The following ASTN2 variants were observed in gnomAD, a reference collection of about 807,000 sequenced individuals.
ASTN2 encodes the protein astrotactin 2.
A neutral mutation model predicts 139.8 loss-of-function variants in ASTN2; 54 were observed. The ratio of observed to expected loss-of-function variants is 0.39; its 90% CI spans 0.31 to 0.48. The LOEUF (loss-of-function observed/expected upper bound fraction) is 0.48, where lower values mean the gene tolerates loss of function less well. Among genes scored for constraint, ASTN2 ranks in the 20% least tolerant of loss-of-function variants. ASTN2 has a pLI of 0.95. For synonymous variants in ASTN2, 756 were observed against 719.5 expected (o/e 1.05, Z -0.81); for missense variants, 1,565 against 1,725.1 (o/e 0.91, Z 1.64).
intron 2 of ASTN2, among the ~76,000 whole-genome samples, chr9:117,290,295 C>T (rs1329803466): frequency 6.6e-6 from 1 of 152,206 alleles, no homozygotes; most frequent in Non-Finnish European, 1.5e-5. Flanking sequence ...TCTTCCTGAG[C>T]CCATTAGACT....
Position 117,016,619 on chromosome 9 carries a change from T to TATGTTA in ASTN2, c.1424-8361_1424-8360insTAACAT, listed in dbSNP as rs1564385801. Among the ~76,000 whole-genome samples, 19 of 3,244 alleles carry TATGTTA rather than the reference T, an allele frequency of 5.9e-3. 3 individuals carry two copies. Among genetic ancestry groups the TATGTTA allele is most frequent in the East Asian group, 0.044 (3 of 68 alleles). The allele number at this position is 3,244 out of a possible 152,430, so 2.1% of individuals were successfully genotyped here. The stretch of plus-strand genomic sequence containing the variant: ...ATATATATATCTATATCTATATCTA[T>TATGTTA]CTATCTATATATATATATATATATA... On this transcript the variant is annotated intron_variant, in intron 6 of 22. Coordinates refer to ENST00000313400, the MANE Select transcript of ASTN2 (RefSeq NM_001365068.1).
chr9:117,036,559 T>C (rs759593361), intron 6 of ASTN2, among the ~76,000 whole-genome samples: 23 of 152,222 alleles, frequency 1.5e-4, no homozygotes, highest in African/African-American at 5.1e-4. Flanking sequence ...ATCTCCTCTA[T>C]ATGGCTTATA....
At chr9:117,296,055 G>A (rs141615431) in intron 1 of ASTN2, among the ~76,000 whole-genome samples, 4,240 of 151,910 alleles carry the variant, frequency 0.028, 79 homozygotes, top group African/African-American at 0.051. Context: ...CTAGGTGGGC[G>A]GATCACGAGG....
intron 7 of ASTN2, among the ~76,000 whole-genome samples, chr9:116,990,271 T>C (rs1315625028): frequency 2.0e-5 from 3 of 152,196 alleles, no homozygotes; most frequent in African/African-American, 7.2e-5. Flanking sequence ...TTCTTTTGTT[T>C]GTTTGTTTGC....
chr9:117,276,803 C>G (rs1399185611), intron 2 of ASTN2, among the ~76,000 whole-genome samples: 1 of 152,176 alleles, frequency 6.6e-6, no homozygotes, highest in Non-Finnish European at 1.5e-5. Context: ...CCAGCTCAGT[C>G]TCTCCCTAGC....
intron 19 of ASTN2, among the ~76,000 whole-genome samples, chr9:116,513,058 T>G (rs1355805181): frequency 3.3e-5 from 5 of 152,324 alleles, no homozygotes; most frequent in East Asian, 1.9e-4. Context: ...GTTAGCTGGT[T>G]ATTTTGCTTG....
intron 3 of ASTN2, among the ~76,000 whole-genome samples, chr9:117,147,085 C>A (rs987529565): frequency 1.3e-5 from 2 of 151,772 alleles, no homozygotes; most frequent in African/African-American, 4.8e-5. Flanking sequence ...GGGGGTGGAC[C>A]CTGAGTCATT....
At chr9:116,475,420 C>T (rs1848946459) in intron 20 of ASTN2, among the ~76,000 whole-genome samples, 1 of 146,166 alleles carries the variant, frequency 6.8e-6, no homozygotes, top group Non-Finnish European at 1.5e-5. Context: ...GAGCATGGGG[C>T]TCTCACTGCC....
intron 19 of ASTN2, among the ~76,000 whole-genome samples, chr9:116,552,574 T>C (rs1424756819): frequency 6.6e-6 from 1 of 152,144 alleles, no homozygotes; most frequent in East Asian, 1.9e-4. Flanking sequence ...TCCACACACA[T>C]TATTTTGAAA....
intron 10 of ASTN2, among the ~76,000 whole-genome samples, chr9:116,960,138 A>C (rs1449404228): frequency 6.6e-6 from 1 of 151,922 alleles, no homozygotes; most frequent in Non-Finnish European, 1.5e-5. Flanking sequence ...GTGTTGTCAG[A>C]CCTTGCCTGA....
chr9:116,456,118 C>G lies in ASTN2; in HGVS notation c.3498-13565G>C, dbSNP rs187718309. Among the ~76,000 whole-genome samples, 23 of 151,624 alleles carry G rather than the reference C, an allele frequency of 1.5e-4. No homozygotes were observed. In the East Asian group the frequency reaches 4.5e-3, roughly 29 times the overall value. On this transcript the variant is annotated intron_variant, in intron 20 of 22. Coordinates refer to ENST00000313400, the MANE Select transcript of ASTN2 (RefSeq NM_001365068.1). ...GATATGATCTTATATTTGAAGACAC[C>G]TAAGATTCCACCAAGAAAAAAACTA... is the stretch of plus-strand genomic sequence containing the variant.
intron 10 of ASTN2, among the ~76,000 whole-genome samples, chr9:116,944,913 C>G (rs1352394640): frequency 6.6e-6 from 1 of 152,042 alleles, no homozygotes; most frequent in Non-Finnish European, 1.5e-5. Flanking sequence ...CCAAAACTGG[C>G]TTAGACCATA....
chr9:117,192,907 T>C (rs992056329), intron 3 of ASTN2, among the ~76,000 whole-genome samples: 2 of 152,224 alleles, frequency 1.3e-5, no homozygotes, highest in East Asian at 3.8e-4. Flanking sequence ...TCATATAATG[T>C]TTATGAAGCC....
chr9:116,713,315 C>A (rs1175431315), intron 16 of ASTN2, among the ~76,000 whole-genome samples: 1 of 151,924 alleles, frequency 6.6e-6, no homozygotes, highest in African/African-American at 2.4e-5. Flanking sequence ...CAAGGAAGAC[C>A]CTAAAGACAA....
intron 10 of ASTN2, among the ~76,000 whole-genome samples, chr9:116,867,841 A>G (rs1833057350): frequency 6.6e-6 from 1 of 152,194 alleles, no homozygotes; most frequent in Non-Finnish European, 1.5e-5. Context: ...TAGGGAATGA[A>G]GAATCTGAGC....
At chr9:116,478,779 G>T (rs1369083985) in intron 20 of ASTN2, among the ~76,000 whole-genome samples, 1 of 151,928 alleles carries the variant, frequency 6.6e-6, no homozygotes, top group Non-Finnish European at 1.5e-5. Context: ...TGGATCACGA[G>T]GTCAGGAGTT....
At chr9:117,358,245 T>G (rs543700765) in intron 1 of ASTN2, among the ~76,000 whole-genome samples, 11 of 146,806 alleles carry the variant, frequency 7.5e-5, no homozygotes, top group African/African-American at 2.3e-4. Context: ...AGGTAATACA[T>G]ATGCATACAT....
rs141361425 is a variant in ASTN2, at chr9:117,004,552, G to A, written c.1591+3540C>T. On this transcript the variant is annotated intron_variant, in intron 7 of 22. Coordinates refer to ENST00000313400, the MANE Select transcript of ASTN2 (RefSeq NM_001365068.1). ...ACACAAAAGTTAACCTGGAGAAGTCGTCTCCTTACTTCTGAACAGGTGTCC... is the reference window on the plus strand; with the variant it reads ...ACACAAAAGTTAACCTGGAGAAGTCATCTCCTTACTTCTGAACAGGTGTCC... 4.3e-4 allele frequency among the ~76,000 whole-genome samples: 66 copies of A among 152,276 alleles called. No individual in the cohort carries two copies. The East Asian group carries it at 7.7e-3, about 18-fold the overall frequency.
chr9:116,611,987 T>G (rs1855563101), intron 19 of ASTN2: 1 of 152,134 alleles, frequency 6.6e-6, no homozygotes, highest in South Asian at 2.1e-4. Context: ...CTGGGATAAA[T>G]CTCACATAGT....
Sources: gnomAD v4.1 joint callset for allele counts (sites outside exome capture counted in the v4.1 genomes callset) on GRCh38, gnomAD v4.1.1 for gene constraint, MANE v1.5 for transcripts, NCBI Gene and HGNC (gene_info 2026-07-23, HGNC 2026-07-21) for gene names.